LRRTM4: variants seen among roughly 807,000 people sequenced by gnomAD.
The protein encoded by LRRTM4 is leucine rich repeat transmembrane neuronal 4, also known as leucine-rich repeat transmembrane neuronal protein 4.
In LRRTM4, 25 loss-of-function variants were observed where a neutral mutation model predicts 47.6. That is an observed-to-expected ratio of 0.53 (90% CI 0.38 to 0.73). LRRTM4 has a LOEUF of 0.73. LRRTM4 is among the 30% of genes least tolerant of loss of function. The pLI is 0.00. For missense variants in LRRTM4, 638 were observed against 713.4 expected (o/e 0.89, Z 1.20); for synonymous variants, 311 against 269.5 (o/e 1.15, Z -1.51).
chr2:76,861,738 C>A (rs1672319079), intron 3 of LRRTM4, among the ~76,000 whole-genome samples: 1 of 152,028 alleles, frequency 6.6e-6, no homozygotes, highest in Non-Finnish European at 1.5e-5. Context: ...AAGAAGAAAG[C>A]CTTTTAGTGC....
intron 3 of LRRTM4, among the ~76,000 whole-genome samples, chr2:76,853,472 T>G (rs1378246283): frequency 6.6e-6 from 1 of 152,108 alleles, no homozygotes; most frequent in African/African-American, 2.4e-5. Context: ...TAAGAACAAA[T>G]CAAACTCTCG....
rs1206573764 is a variant in LRRTM4, at chr2:77,139,833, GACAA to G, written c.1551+378481_1551+378484del. Among the ~76,000 whole-genome samples, 4 of 152,184 alleles carry G rather than the reference GACAA, an allele frequency of 2.6e-5. No individual in the cohort carries two copies. The South Asian group carries it at 6.2e-4, about 24-fold the overall frequency. ...CAAGCATTCATATACACCAATAACA[GACAA>G]ACAGAGAGCCAAATGATGAGTGAAC... On this transcript the variant is annotated intron_variant, in intron 3 of 3. Coordinates refer to ENST00000409884, the MANE Select transcript of LRRTM4 (RefSeq NM_001134745.3).
At chr2:77,212,470 TATATAG>T (rs1271805271) in intron 3 of LRRTM4, among the ~76,000 whole-genome samples, 1 of 146,266 alleles carries the variant, frequency 6.8e-6, no homozygotes, top group African/African-American at 2.6e-5. Flanking sequence ...TATATATATA[TATATAG>T]AGAGAGAGAG....
chr2:77,459,348 G>A (rs963141543), intron 3 of LRRTM4, among the ~76,000 whole-genome samples: 1 of 152,030 alleles, frequency 6.6e-6, no homozygotes, highest in South Asian at 2.1e-4. Flanking sequence ...TATTTCAGAT[G>A]TACCCAACAC....
chr2:76,836,733 G>A (rs1489674924), intron 3 of LRRTM4, among the ~76,000 whole-genome samples: 1 of 151,912 alleles, frequency 6.6e-6, no homozygotes, highest in Non-Finnish European at 1.5e-5. Context: ...AGCACAGCTG[G>A]GATTTCTATT....
At chr2:76,790,547 A>G (rs988155842) in intron 3 of LRRTM4, among the ~76,000 whole-genome samples, 1 of 152,282 alleles carries the variant, frequency 6.6e-6, no homozygotes, top group African/African-American at 2.4e-5. Flanking sequence ...TAAATAAGAA[A>G]AACATGTAAA....
intron 3 of LRRTM4, among the ~76,000 whole-genome samples, chr2:77,007,586 A>C (rs542711624): frequency 6.6e-6 from 1 of 152,326 alleles, no homozygotes; most frequent in Admixed American, 6.5e-5. Context: ...TTTGCTGTCT[A>C]TAAAAATGGC....
chr2:76,923,250 G>T (rs1294701933), intron 3 of LRRTM4, among the ~76,000 whole-genome samples: 1 of 151,890 alleles, frequency 6.6e-6, no homozygotes, highest in Non-Finnish European at 1.5e-5. Context: ...TTAAACGTTT[G>T]TCTAAAGTTC....
At chr2:77,090,057 C>T (rs1172427888) in intron 3 of LRRTM4, among the ~76,000 whole-genome samples, 1 of 152,100 alleles carries the variant, frequency 6.6e-6, no homozygotes, top group African/African-American at 2.4e-5. Context: ...GCTCCCCAGG[C>T]TGCTCCTCGC....
At chr2:76,816,241 G>C (rs192585161) in intron 3 of LRRTM4, among the ~76,000 whole-genome samples, 1 of 152,070 alleles carries the variant, frequency 6.6e-6, no homozygotes, top group Non-Finnish European at 1.5e-5. Flanking sequence ...TAGACCATTA[G>C]AAGACCCTGT....
chr2:77,127,044 T>G (rs1671667931), intron 3 of LRRTM4, among the ~76,000 whole-genome samples: 1 of 152,224 alleles, frequency 6.6e-6, no homozygotes, highest in Admixed American at 6.5e-5. Flanking sequence ...CCCATTCCCA[T>G]GCTTAATATT....
intron 3 of LRRTM4, among the ~76,000 whole-genome samples, chr2:76,870,951 T>C (rs1047771053): frequency 6.6e-6 from 1 of 152,202 alleles, no homozygotes; most frequent in Non-Finnish European, 1.5e-5. Context: ...TGTACTAAGC[T>C]TTGCTCTCTG....
chr2:76,760,766 A>G (rs994144578), intron 3 of LRRTM4, among the ~76,000 whole-genome samples: 1 of 152,202 alleles, frequency 6.6e-6, no homozygotes, highest in African/African-American at 2.4e-5. Context: ...ATGAGCAGTA[A>G]AAACTAACCA....
intron 3 of LRRTM4, among the ~76,000 whole-genome samples, chr2:76,811,188 G>T (rs183583427): frequency 4.6e-5 from 7 of 152,216 alleles, no homozygotes; most frequent in Admixed American, 1.3e-4. Flanking sequence ...GCTGCAAAAG[G>T]TTATTACTAA....
At chr2:77,236,342 A>G (rs773482442) in intron 3 of LRRTM4, among the ~76,000 whole-genome samples, 1 of 152,112 alleles carries the variant, frequency 6.6e-6, no homozygotes, top group Non-Finnish European at 1.5e-5. Context: ...TGGGAATGCC[A>G]CTGATTTTTG....
intron 3 of LRRTM4, among the ~76,000 whole-genome samples, chr2:77,122,616 A>G (rs553619033): frequency 2.4e-4 from 37 of 151,718 alleles, no homozygotes; most frequent in Non-Finnish European, 4.7e-4. Flanking sequence ...TGCAATCTGC[A>G]TATGTGTGGC....
chr2:77,123,239 G>GAGAGAA (rs1671565993), intron 3 of LRRTM4, among the ~76,000 whole-genome samples: 1 of 151,610 alleles, frequency 6.6e-6, no homozygotes, highest in Non-Finnish European at 1.5e-5. Flanking sequence ...GAGAGAGAGA[G>GAGAGAA]AGAGAAATTT....
At position 77,338,273 on chromosome 2, in the gene LRRTM4, G is replaced by A. The variant is rs1412182642; in HGVS notation, c.1551+180045C>T. On this transcript the variant is annotated intron_variant, in intron 3 of 3. Coordinates refer to ENST00000409884, the MANE Select transcript of LRRTM4 (RefSeq NM_001134745.3). ...TATTCAACTAAACAGCTTCTGCACAGCAAACAAAACTGTCAACAGAGTAAA... is the reference window on the plus strand; with the variant it reads ...TATTCAACTAAACAGCTTCTGCACAACAAACAAAACTGTCAACAGAGTAAA... Among the ~76,000 whole-genome samples, 7 of 151,950 alleles carry A rather than the reference G, an allele frequency of 4.6e-5. No homozygotes were observed. In the East Asian group the frequency reaches 1.4e-3, roughly 29 times the overall value.
chr2:76,847,105 T>G (rs553908580), intron 3 of LRRTM4, among the ~76,000 whole-genome samples: 1 of 152,248 alleles, frequency 6.6e-6, no homozygotes, highest in African/African-American at 2.4e-5. Flanking sequence ...TGCTTTTAAG[T>G]GGAGTCCTTC....
Sources: gnomAD v4.1 joint callset for allele counts (sites outside exome capture counted in the v4.1 genomes callset) on GRCh38, gnomAD v4.1.1 for gene constraint, MANE v1.5 for transcripts, NCBI Gene and HGNC (gene_info 2026-07-23, HGNC 2026-07-21) for gene names.